The following SNX6 variants were observed in gnomAD, a reference collection of about 807,000 sequenced individuals.
SNX6 encodes sorting nexin 6, also known as sorting nexin-6.
In SNX6, 34 loss-of-function variants were observed where a neutral mutation model predicts 63.0. The ratio of observed to expected loss-of-function variants is 0.54; its 90% confidence interval spans 0.41 to 0.72. The LOEUF is 0.72. Ranked by LOEUF, SNX6 falls within the 30% of genes least tolerant of loss-of-function variation. The probability of loss-of-function intolerance (pLI) is 0.00; values close to 1 mark genes in which losing one functional copy is unlikely to be tolerated. For missense variants in SNX6, 398 were observed against 471.4 expected, an observed-to-expected ratio of 0.84 and a Z score of 1.44; for synonymous variants, 170 against 164.2, an observed-to-expected ratio of 1.04 and a Z score of -0.27.
chr14:34,622,232 G>T (rs1231936317), intron 2 of SNX6, among the ~76,000 whole-genome samples: 1 of 146,454 alleles, frequency 6.8e-6, no homozygotes, highest in East Asian at 2.1e-4. Context: ...ATAGTGCTGG[G>T]ATTATAGGCA....
intron 2 of SNX6, among the ~76,000 whole-genome samples, chr14:34,623,394 G>A (rs1019548349): frequency 6.6e-6 from 1 of 152,104 alleles, no homozygotes; most frequent in Admixed American, 6.6e-5. Flanking sequence ...GTCAGAAAAG[G>A]TTATGAACAG....
intron 10 of SNX6, among the ~76,000 whole-genome samples, chr14:34,578,495 T>C (rs139909137): frequency 2.0e-5 from 3 of 148,346 alleles, no homozygotes; most frequent in Non-Finnish European, 3.0e-5. Flanking sequence ...TTGGGCATGG[T>C]GATGTGTGCC....
rs994023208 is a variant in SNX6, at chr14:34,609,430, G to A, written c.159+208C>T. On this transcript the variant is annotated intron_variant, in intron 3 of 13. Coordinates refer to ENST00000362031, the MANE Select transcript of SNX6 (RefSeq NM_152233.4). ...CAGGAGGAGGAGCTTGCAGTGAGCC[G>A]AGATCGTGCCACTGCACTCCAGCCT... Among the ~76,000 whole-genome samples, 7 of 137,956 alleles carry A rather than the reference G, an allele frequency of 5.1e-5. No individual in the cohort carries two copies. The South Asian group carries it at 9.2e-4, about 18-fold the overall frequency. The allele number at this position is 137,956 out of a possible 152,430, so 90.5% of individuals were successfully genotyped here. A position where few individuals can be genotyped will look rare whatever the true frequency, so the allele number is the denominator to read the frequency against.
At chr14:34,567,795 T>C in intron 12 of SNX6, 24 bp from the exon 13 acceptor site, 1 of 1,612,520 alleles carries the variant, frequency 6.2e-7, no homozygotes, top group Non-Finnish European at 8.5e-7. Context: ...ATTAGGATTA[T>C]TTAATTTACA....
rs548666008 is a variant in SNX6 at position 34,586,928 on chromosome 14, G to A, written c.719-623C>T. Among the ~76,000 whole-genome samples, 62 of 137,564 alleles carry A rather than the reference G, an allele frequency of 4.5e-4. 1 individual carries two copies. Among genetic ancestry groups the A allele is most frequent in the African/African-American group, 1.6e-3 (58 of 37,370 alleles). The allele number at this position is 137,564 out of a possible 152,430, so 90.2% of individuals were successfully genotyped here. A position where few individuals can be genotyped will look rare whatever the true frequency, so the allele number is the denominator to read the frequency against. On this transcript the variant is annotated intron_variant, in intron 8 of 13. Coordinates refer to ENST00000362031, the MANE Select transcript of SNX6 (RefSeq NM_152233.4). ...AAAGGCTGAGGCAGGAGAATGGCGT[G>A]AACCCGGGAGGCGGAGGTTGCAGTG...
At chr14:34,603,857 A>C (rs1011429269) in intron 5 of SNX6, among the ~76,000 whole-genome samples, 15 of 151,862 alleles carry the variant, frequency 9.9e-5, no homozygotes, top group African/African-American at 3.6e-4. Flanking sequence ...AACTTAGTAC[A>C]AAAAAAATTA....
chr14:34,594,842 A>C (rs1414792925), intron 7 of SNX6, among the ~76,000 whole-genome samples: 2 of 152,096 alleles, frequency 1.3e-5, no homozygotes, highest in Non-Finnish European at 2.9e-5. Context: ...CACACCTGTA[A>C]TCCCAGCACT....
intron 6 of SNX6, among the ~76,000 whole-genome samples, chr14:34,599,278 C>T (rs957754649): frequency 3.9e-5 from 6 of 152,206 alleles, no homozygotes; most frequent in Admixed American, 2.6e-4. Context: ...ACTGTAACCT[C>T]ACATTAGATG....
At chr14:34,581,468 TA>T in intron 10 of SNX6, 92 bp downstream of exon 10, 1 of 745,366 alleles carries the variant, frequency 1.3e-6, no homozygotes, top group Non-Finnish European at 2.2e-6. Flanking sequence ...ATCACTCTTT[TA>T]AAAAAATTTT....
At chr14:34,584,190 A>G (rs1262867201) in intron 9 of SNX6, among the ~76,000 whole-genome samples, 2 of 152,158 alleles carry the variant, frequency 1.3e-5, no homozygotes, top group African/African-American at 4.8e-5. Context: ...TTGCTTTGCC[A>G]AAAAGCGTGA....
At chr14:34,600,997 GAC>G (rs1472122219) in intron 6 of SNX6, among the ~76,000 whole-genome samples, 1 of 150,816 alleles carries the variant, frequency 6.6e-6, no homozygotes, top group Admixed American at 6.6e-5. Context: ...CAGCCTGGGC[GAC>G]AGAGACTCTG....
chr14:34,590,861 T>C (rs560249853), intron 8 of SNX6, among the ~76,000 whole-genome samples: 2 of 152,236 alleles, frequency 1.3e-5, no homozygotes, highest in Non-Finnish European at 2.9e-5. Flanking sequence ...AATTGTTGTA[T>C]ATCCATTCAA....
intron 11 of SNX6, chr14:34,568,578 C>A: frequency 1.7e-6 from 1 of 587,384 alleles, no homozygotes; most frequent in South Asian, 1.7e-5. Context: ...TCAAAGTGAT[C>A]CCCCTATTTC....
intron 7 of SNX6, 90 bp downstream of exon 7, chr14:34,597,460 T>C (rs1029881453): frequency 2.0e-5 from 16 of 798,306 alleles, no homozygotes; most frequent in Non-Finnish European, 3.1e-5. Flanking sequence ...AAATGTCTTT[T>C]ACTCTAATTC....
At chr14:34,583,328 A>C (rs1007229199) in intron 9 of SNX6, among the ~76,000 whole-genome samples, 2 of 152,216 alleles carry the variant, frequency 1.3e-5, no homozygotes, top group African/African-American at 4.8e-5. Flanking sequence ...TACAAAAAAA[A>C]TAGTCTGGTG....
chr14:34,584,365 G>C (rs1200382622), intron 9 of SNX6, among the ~76,000 whole-genome samples: 1 of 149,478 alleles, frequency 6.7e-6, no homozygotes, highest in Admixed American at 6.7e-5. Context: ...GCAGTGGTGT[G>C]ATCTTGGCTC....
At chr14:34,584,813 C>G (rs1238421418) in intron 9 of SNX6, among the ~76,000 whole-genome samples, 4 of 151,364 alleles carry the variant, frequency 2.6e-5, no homozygotes, top group African/African-American at 9.7e-5. Flanking sequence ...AAAAATAGGA[C>G]AGAAAGGGAG....
intron 2 of SNX6, among the ~76,000 whole-genome samples, chr14:34,619,429 T>A (rs4981245): frequency 0.54 from 81,087 of 150,636 alleles, 23,213 homozygotes; most frequent in East Asian, 0.9. Flanking sequence ...CTCAAAAAAA[T>A]ATATATATAT....
intron 2 of SNX6, among the ~76,000 whole-genome samples, chr14:34,622,740 AAGCAGACCAAT>A (rs1175657337): frequency 6.6e-6 from 1 of 152,146 alleles, no homozygotes; most frequent in Non-Finnish European, 1.5e-5. Context: ...CCCTGTTGGA[AAGCAGACCAAT>A]AGCACAGTGG....
Sources: gnomAD v4.1 joint callset for allele counts (sites outside exome capture counted in the v4.1 genomes callset) on GRCh38, gnomAD v4.1.1 for gene constraint, MANE v1.5 for transcripts, NCBI Gene and HGNC (gene_info 2026-07-23, HGNC 2026-07-21) for gene names.